Variants in RYR3 observed in about 807,000 individuals in gnomAD.
RYR3 encodes brain ryanodine receptor-calcium release channel.
RYR3 carries 207 observed loss-of-function variants against 584.3 expected under a neutral mutation model. That is an observed-to-expected ratio of 0.35 (90% CI 0.32 to 0.40). The LOEUF is 0.40. Among genes scored for constraint, RYR3 ranks in the 10% least tolerant of loss-of-function variants. The pLI is 1.00. For missense variants in RYR3, 5,616 were observed against 6,089.2 expected (o/e 0.92, Z 2.59); for synonymous variants, 2,416 against 2,248.5 (o/e 1.07, Z -2.11).
At position 33,530,587 on chromosome 15, in the gene RYR3, C is replaced by T. The variant is rs775657710; in HGVS notation, c.280-5C>T. ...TGCTGACCTTATTCTTCCTCATTCC[C>T]ACAGGCAGCACAAGGAGGTGGCCAC... On this transcript the variant is annotated splice_polypyrimidine_tract_variant and splice_region_variant and intron_variant, in intron 3 of 103. Coordinates refer to ENST00000634891, the MANE Select transcript of RYR3 (RefSeq NM_001036.6). 2.5e-6 allele frequency: 4 copies of T among 1,609,308 alleles called. No homozygotes were observed. The East Asian group carries it at 8.9e-5, about 36-fold the overall frequency.
chr15:33,824,987 A>G (rs1352523907), intron 81 of RYR3, among the ~76,000 whole-genome samples: 1 of 152,206 alleles, frequency 6.6e-6, no homozygotes, highest in African/African-American at 2.4e-5. Context: ...TGTGGGGAGT[A>G]GGGACAAAAA....
At chr15:33,858,646 G>GTTCT (rs1273971445) in intron 99 of RYR3, 1 of 87,448 alleles carries the variant, frequency 1.1e-5, no homozygotes. Flanking sequence ...CCAGTCGGAG[G>GTTCT]TTCTTTGCGG....
At chr15:33,834,150 G>A (rs1405565796) in intron 86 of RYR3, among the ~76,000 whole-genome samples, 2 of 152,068 alleles carry the variant, frequency 1.3e-5, no homozygotes, top group East Asian at 1.9e-4. Flanking sequence ...CAGGCGTGGT[G>A]GCACATGCCT....
At chr15:33,813,041 A>C in intron 73 of RYR3, 47 bp downstream of exon 73, 1 of 1,610,790 alleles carries the variant, frequency 6.2e-7, no homozygotes, top group South Asian at 1.1e-5. Flanking sequence ...AACACCCTGG[A>C]CCATACAAAG....
At position 33,380,894 on chromosome 15, in the gene RYR3, A is replaced by G. The variant is rs533094587; in HGVS notation, c.51+69798A>G. The stretch of plus-strand genomic sequence containing the variant: ...AAGCCTTTATAGCCAACTATTTAAT[A>G]AAACAAATATTTTAAAGAAGGACCT... On this transcript the variant is annotated intron_variant, in intron 1 of 103. Coordinates refer to ENST00000634891, the MANE Select transcript of RYR3 (RefSeq NM_001036.6). 5.6e-4 allele frequency among the ~76,000 whole-genome samples: 85 copies of G among 152,326 alleles called. 1 individual carries two copies. In the South Asian group the frequency reaches 0.016, roughly 29 times the overall value.
chr15:33,420,849 T>A (rs2044190998), intron 1 of RYR3, among the ~76,000 whole-genome samples: 1 of 152,078 alleles, frequency 6.6e-6, no homozygotes, highest in Non-Finnish European at 1.5e-5. Context: ...GTTGGTAAAA[T>A]GAAATCCCAC....
chr15:33,858,127 C>G (rs1436441576), intron 99 of RYR3: 1 of 618,800 alleles, frequency 1.6e-6, no homozygotes, highest in Non-Finnish European at 2.8e-6. Flanking sequence ...TTCATTACCA[C>G]ACATCTAAGC....
intron 10 of RYR3, among the ~76,000 whole-genome samples, chr15:33,550,689 CATG>C (rs2056613064): frequency 6.6e-6 from 1 of 152,062 alleles, no homozygotes; most frequent in Non-Finnish European, 1.5e-5. Flanking sequence ...AACATGGAGG[CATG>C]AGTTTCAGAG....
intron 38 of RYR3, among the ~76,000 whole-genome samples, chr15:33,671,712 G>T (rs974374142): frequency 7.3e-5 from 11 of 151,462 alleles, no homozygotes; most frequent in Non-Finnish European, 1.3e-4. Flanking sequence ...CGCCAAAGGA[G>T]AACTGAAAAT....
rs752181610 is a variant in RYR3 at position 33,601,531 on chromosome 15, G to A, written c.1901G>A (p.Arg634Gln). The change falls in exon 17 of 104, where the codon CGA (arginine) becomes CAA (glutamine). Residue 634 changes from arginine to glutamine, a missense_variant. Arg to Gln is a conservative substitution (Grantham distance 43). Coordinates refer to ENST00000634891, the MANE Select transcript of RYR3 (RefSeq NM_001036.6). ...LPRRNLLLQT[R>Q]LINDVTSIRP... ...CGGAGAAACCTACTCCTGCAGACAC[G>A]ACTGATTAACGATGTAACCAGGTAA... The A allele has an allele frequency of 1.4e-5, 22 of 1,613,562 alleles. No individual in the cohort carries two copies. The highest frequency in any genetic ancestry group is 4.5e-5 in the East Asian group (2 of 44,854).
Position 33,644,473 on chromosome 15 carries a change from G to A in RYR3, c.3719G>A (p.Arg1240His), listed in dbSNP as rs377529797. The A allele has an allele frequency of 1.1e-5, 17 of 1,613,900 alleles. No homozygotes were observed. The highest frequency in any genetic ancestry group is 1.1e-5 in the Non-Finnish European group (13 of 1,179,838). Residue 1240 changes from arginine (R) to histidine (H), a missense_variant, in exon 28 of 104, where the codon CGC (arginine) becomes CAC (histidine). Arg to His is a conservative substitution (Grantham distance 29). Around this residue, in one of 9 missense-constraint regions of RYR3, gnomAD observed 152 missense variants for 200.9 expected, o/e 0.76. Coordinates refer to ENST00000634891, the MANE Select transcript of RYR3 (RefSeq NM_001036.6). The part of the protein sequence containing the change: ...NRDVAMWFSK[R>H]LPTFVNVPKD... Reference sequence around the variant, plus strand: ...GATGTTGCTATGTGGTTCAGCAAGCGCCTCCCGACGTTTGTCAACGTGCCA... The same window carrying A: ...GATGTTGCTATGTGGTTCAGCAAGCACCTCCCGACGTTTGTCAACGTGCCA...
chr15:33,328,538 C>T (rs1970018507), intron 1 of RYR3, among the ~76,000 whole-genome samples: 1 of 152,164 alleles, frequency 6.6e-6, no homozygotes, highest in Non-Finnish European at 1.5e-5. Flanking sequence ...AGATAATATT[C>T]TCTTTGCTTT....
chr15:33,320,245 C>T (rs1011546767), intron 1 of RYR3, among the ~76,000 whole-genome samples: 1 of 152,160 alleles, frequency 6.6e-6, no homozygotes, highest in African/African-American at 2.4e-5. Flanking sequence ...TCATTTATCA[C>T]AGGGTATAAA....
intron 87 of RYR3, 115 bp downstream of exon 87, chr15:33,835,187 A>G (rs1157806091): frequency 4.0e-6 from 3 of 759,014 alleles, no homozygotes; most frequent in Non-Finnish European, 6.3e-6. Context: ...CAAGCCATGC[A>G]TATTAGGTCT....
At chr15:33,803,442 A>G (rs1401129646) in intron 69 of RYR3, among the ~76,000 whole-genome samples, 1 of 152,184 alleles carries the variant, frequency 6.6e-6, no homozygotes, top group African/African-American at 2.4e-5. Flanking sequence ...AGGTCTTCTT[A>G]CAGGTATCAC....
At chr15:33,642,919 G>A (rs962345305) in intron 27 of RYR3, among the ~76,000 whole-genome samples, 1 of 152,174 alleles carries the variant, frequency 6.6e-6, no homozygotes, top group Non-Finnish European at 1.5e-5. Context: ...TTTAGACACG[G>A]TATTAAACAC....
At chr15:33,596,504 G>GC (rs1042988523) in intron 16 of RYR3, among the ~76,000 whole-genome samples, 9 of 144,108 alleles carry the variant, frequency 6.2e-5, no homozygotes, top group African/African-American at 2.1e-4. Flanking sequence ...TTGGGGGGGG[G>GC]GGATTTCTGA....
intron 2 of RYR3, among the ~76,000 whole-genome samples, chr15:33,479,680 ACTGT>A (rs1036115746): frequency 2.0e-5 from 3 of 152,126 alleles, no homozygotes; most frequent in Non-Finnish European, 2.9e-5. Context: ...AACCTGAATC[ACTGT>A]CTAATTTCTG....
intron 1 of RYR3, among the ~76,000 whole-genome samples, chr15:33,348,164 A>C (rs1404895041): frequency 6.6e-6 from 1 of 152,172 alleles, no homozygotes; most frequent in African/African-American, 2.4e-5. Context: ...CTACTCCCGC[A>C]GTGAGAAACC....
Sources: allele counts gnomAD v4.1 joint callset (sites outside exome capture counted in the v4.1 genomes callset), GRCh38; gene constraint gnomAD v4.1.1; regional missense constraint gnomAD v4.1.1; transcripts MANE v1.5; gene names NCBI Gene and HGNC (gene_info 2026-07-23, HGNC 2026-07-21).